Variants in PPL observed in about 807,000 individuals in gnomAD.
PPL encodes the protein 190 kDa paraneoplastic pemphigus antigen.
In PPL, 198 loss-of-function variants were observed where a neutral mutation model predicts 194.4. The ratio of observed to expected loss-of-function variants is 1.02; its 90% confidence interval spans 0.91 to 1.15. The LOEUF is 1.15. Ranked by LOEUF, PPL falls within the 50% of genes most tolerant of loss-of-function variation. The pLI, the probability that PPL is intolerant of heterozygous loss-of-function variation, is 0.00. For missense variants in PPL, 2,885 were observed against 2,294.8 expected (o/e 1.26, Z -5.25); for synonymous variants, 1,220 against 972.4 (o/e 1.25, Z -4.74).
Position 4,894,610 on chromosome 16 carries a change from G to A in PPL, c.1251C>T (p.Ile417=), listed in dbSNP as rs909512756. The change falls in exon 12 of 22, where the codon ATC becomes ATT. Residue 417 remains isoleucine (I), a synonymous_variant. Transcript: ENST00000345988. ...LCDFEGEQGL[I]SRGYSYTLQK... is the part of the protein sequence containing the mutation. ...GCAGGGTGTAGCTGTAGCCCCGCGA[G>A]ATCAGGCCCTGGCGGGGGCAGGCTG... The A allele has an allele frequency of 1.9e-6, 3 of 1,613,040 alleles. No homozygotes were observed. In the South Asian group the frequency reaches 3.3e-5, roughly 18 times the overall value.
chr16:4,888,784 T>G (rs553668266), intron 19 of PPL, 194 bp downstream of exon 19: 1 of 611,270 alleles, frequency 1.6e-6, no homozygotes, highest in South Asian at 2.3e-5. Context: ...TATAAAACCC[T>G]TTTACAGCAT....
At chr16:4,891,053 C>G (rs1321833216) in intron 16 of PPL, 132 bp from the exon 17 acceptor site, 3 of 734,438 alleles carry the variant, frequency 4.1e-6, no homozygotes, top group East Asian at 5.8e-5. Context: ...GGACCGGAGC[C>G]TTGCTCTGTA....
At chr16:4,909,169 G>C (rs1391018666) in intron 2 of PPL, among the ~76,000 whole-genome samples, 1 of 152,134 alleles carries the variant, frequency 6.6e-6, no homozygotes, top group Non-Finnish European at 1.5e-5. Context: ...GCAGGGGATA[G>C]CTGGTGGCAG....
chr16:4,888,024 G>T, intron 20 of PPL, 78 bp downstream of exon 20: 1 of 1,028,744 alleles, frequency 9.7e-7, no homozygotes, highest in Non-Finnish European at 1.5e-6. Context: ...AGGCCAGCGT[G>T]TGACACCATG....
At chr16:4,928,422 C>T (rs1315276677) in intron 1 of PPL, among the ~76,000 whole-genome samples, 2 of 152,198 alleles carry the variant, frequency 1.3e-5, no homozygotes, top group African/African-American at 2.4e-5. Context: ...GTGTCCTGGC[C>T]GCCCCGCCCA....
rs757566780 is a variant in PPL at position 4,884,468 on chromosome 16, C to T, written c.4187G>A (p.Arg1396His). ...CTCCAGCTGCCGCTCAAGCTCGGTG[C>T]GCCGGCGCTGCAGCCGCCGCAGCTC... ...RAELRRLQRR[R>H]TELERQLEEL... The change falls in exon 22 of 22, where the codon CGC becomes CAC. Residue 1396 changes from arginine to histidine, a missense_variant. Physicochemically the swap from Arg to His is conservative, Grantham distance 29. Coordinates refer to ENST00000345988, the MANE Select transcript of PPL (RefSeq NM_002705.5). The surrounding 1 kb of genome is among the most constrained non-coding windows in gnomAD (Gnocchi z 5.7). 1.8e-5 allele frequency: 29 copies of T among 1,602,282 alleles called. No individual in the cohort carries two copies. Among genetic ancestry groups the T allele is most frequent in the Middle Eastern group, 1.7e-4 (1 of 6,040 alleles).
Position 4,910,881 on chromosome 16 carries a change from T to A in PPL, c.131A>T (p.Asn44Ile). The part of the protein sequence containing the change: ...LQKNADQVEK[N>I]IVDTEAKMQS... ...CATCTTGGCCTCTGTGTCCACGATG[T>A]TCTTCTCCACCTGGTCGGCATTCTT... The change falls in exon 2 of 22, where the codon AAC becomes ATC. Residue 44 changes from asparagine to isoleucine, a missense_variant. Transcript: ENST00000345988. 1 of 1,613,990 alleles carries A rather than the reference T, an allele frequency of 6.2e-7. No homozygotes were observed. The highest frequency in any genetic ancestry group is 8.5e-7 in the Non-Finnish European group (1 of 1,180,002).
chr16:4,906,182 C>T (rs529378122), intron 2 of PPL, among the ~76,000 whole-genome samples: 4 of 152,256 alleles, frequency 2.6e-5, no homozygotes, highest in African/African-American at 9.6e-5. Context: ...TTAATTACAA[C>T]AAAACATCAG....
intron 3 of PPL, 128 bp downstream of exon 3, chr16:4,903,758 G>C: frequency 9.2e-7 from 1 of 1,083,984 alleles, no homozygotes; most frequent in East Asian, 2.4e-5. Context: ...GAAGCCTTTG[G>C]CACGTGCCTG....
rs748235766 is a variant in PPL, at chr16:4,883,912, C to T, written c.4743G>A (p.Arg1581=). 2 of 1,613,986 alleles carry T rather than the reference C, an allele frequency of 1.2e-6. No individual in the cohort carries two copies. The highest frequency in any genetic ancestry group is 8.5e-7 in the Non-Finnish European group (1 of 1,180,016). The change falls in exon 22 of 22, where the codon AGG becomes AGA. Residue 1581 remains arginine (R), a synonymous_variant. Transcript: ENST00000345988. The surrounding 1 kb of genome is among the most constrained non-coding windows in gnomAD (Gnocchi z 4.8). The part of the protein sequence containing the change: ...ERQNLQLETR[R]LQSEINMAAT... Reference sequence around the variant, plus strand: ...CTGCCATGTTGATTTCCGATTGGAGCCTTCGGGTCTCCAGCTGCAGGTTTT... The same window carrying T: ...CTGCCATGTTGATTTCCGATTGGAGTCTTCGGGTCTCCAGCTGCAGGTTTT...
At chr16:4,888,015 G>T in intron 20 of PPL, 87 bp downstream of exon 20, 1 of 930,918 alleles carries the variant, frequency 1.1e-6, no homozygotes. Flanking sequence ...GCATCTCTGA[G>T]GCCAGCGTGT....
intron 1 of PPL, among the ~76,000 whole-genome samples, chr16:4,931,613 C>A (rs551722873): frequency 1.3e-5 from 2 of 152,126 alleles, no homozygotes; most frequent in African/African-American, 4.8e-5. Context: ...CCGGTAACAC[C>A]GGCACAGACC....
Position 4,884,281 on chromosome 16 carries a change from C to T in PPL, c.4374G>A (p.Glu1458=), listed in dbSNP as rs2088166888. The change falls in exon 22 of 22, where the codon GAG becomes GAA. Residue 1458 remains glutamate (E), a synonymous_variant. Transcript: ENST00000345988. This position sits in a 1 kb window ranked among gnomAD's most constrained non-coding sequence, Gnocchi z 5.7. ...CCAGCTGGAGTCGGAGCAGGGCATG[C>T]TCTCGCGCCTGCTGCGGGTCCTGCT... is the stretch of plus-strand genomic sequence containing the variant. ...VLQQDPQQAR[E]HALLRLQLEE... 9 of 1,612,598 alleles carry T rather than the reference C, an allele frequency of 5.6e-6. No homozygotes were observed. Among genetic ancestry groups the T allele is most frequent in the Admixed American group, 3.4e-5 (2 of 59,410 alleles).
chr16:4,894,387 A>T, intron 12 of PPL, 80 bp downstream of exon 12: 1 of 1,547,932 alleles, frequency 6.5e-7, no homozygotes, highest in Non-Finnish European at 8.7e-7. Context: ...CTGAGTCCAA[A>T]TCCCCGGGGC....
At chr16:4,895,793 A>C (rs2142352016) in intron 9 of PPL, 77 bp from the exon 10 acceptor site, 242 of 1,596,276 alleles carry the variant, frequency 1.5e-4, no homozygotes, top group Non-Finnish European at 1.9e-4. Context: ...CTTCAAGCTC[A>C]TCCCTCAGGC....
In PPL at chr16:4,889,229, T is replaced by TTG. The variant is rs1555519101; in HGVS notation, c.2314-169_2314-168insCA. On this transcript the variant is annotated intron_variant, in intron 18 of 21. Transcript: ENST00000345988. ...TTTATTCATTGCAAAAGGCAGTTTT[T>TTG]TTGTTGTTGTTGTTTTTTTTTTTTT... Among the ~76,000 whole-genome samples, 93 of 93,510 alleles carry TTG rather than the reference T, an allele frequency of 9.9e-4. 1 individual carries two copies. The highest frequency in any genetic ancestry group is 6.0e-3 in the Middle Eastern group (1 of 168). 61.3% of individuals were successfully genotyped at this position (93,510 alleles called of 152,430 possible). A position where few individuals can be genotyped will look rare whatever the true frequency, so the allele number is the denominator to read the frequency against.
At chr16:4,895,862 C>T in intron 9 of PPL, 146 bp from the exon 10 acceptor site, 1 of 1,193,388 alleles carries the variant, frequency 8.4e-7, no homozygotes, top group Non-Finnish European at 1.2e-6. Flanking sequence ...GAGCCTGAGG[C>T]TCCTCTGCGT....
At chr16:4,905,428 C>G (rs1409127724) in intron 2 of PPL, among the ~76,000 whole-genome samples, 3 of 152,116 alleles carry the variant, frequency 2.0e-5, no homozygotes, top group African/African-American at 7.2e-5. Flanking sequence ...AAGTGGTTGC[C>G]TGGGGCAGGG....
At chr16:4,900,646 C>T (rs972398630) in intron 6 of PPL, among the ~76,000 whole-genome samples, 184 bp downstream of exon 6, 4 of 151,874 alleles carry the variant, frequency 2.6e-5, no homozygotes, top group Non-Finnish European at 2.9e-5. Context: ...CTATGTTGCC[C>T]AGGTTGGTCT....
Sources: gnomAD v4.1 joint callset for allele counts (sites outside exome capture counted in the v4.1 genomes callset) on GRCh38, gnomAD v4.1.1 for gene constraint, Gnocchi (gnomAD v3.1) non-coding constraint, MANE v1.5 for transcripts, NCBI Gene and HGNC (gene_info 2026-07-23, HGNC 2026-07-21) for gene names.